Variants in ADAM23 observed in about 807,000 individuals in gnomAD.
ADAM23 encodes disintegrin and metalloproteinase domain-containing protein 23.
In ADAM23, 33 loss-of-function variants were observed where a neutral mutation model predicts 120.1. That is an observed-to-expected ratio of 0.27 (90% CI 0.21 to 0.37). ADAM23 has a LOEUF of 0.37. ADAM23 is among the 10% of genes least tolerant of loss of function. The pLI is 1.00. For missense variants in ADAM23, 862 were observed against 1,058.2 expected (o/e 0.81, Z 2.57); for synonymous variants, 367 against 375.2 (o/e 0.98, Z 0.25).
At chr2:206,500,596 C>G (rs1696367264) in intron 3 of ADAM23, among the ~76,000 whole-genome samples, 1 of 152,096 alleles carries the variant, frequency 6.6e-6, no homozygotes, top group Non-Finnish European at 1.5e-5. Context: ...AGCATGGATG[C>G]CCATCTCCTC....
chr2:206,571,717 T>C lies in ADAM23; in HGVS notation c.1567-10T>C. 6.2e-7 allele frequency: 1 copy of C among 1,612,626 alleles called. No individual in the cohort carries two copies. Among genetic ancestry groups the C allele is most frequent in the Non-Finnish European group, 8.5e-7 (1 of 1,178,690 alleles). On this transcript the variant is annotated splice_polypyrimidine_tract_variant and intron_variant, in intron 16 of 25. Transcript: ENST00000264377. Reference sequence around the variant, plus strand: ...GCTCTTCGCTTACTCACGTGAAGTGTTTTCTCTAGGAATGCTATGGATTAT... The same window carrying C: ...GCTCTTCGCTTACTCACGTGAAGTGCTTTCTCTAGGAATGCTATGGATTAT...
rs1219260962 is a variant in ADAM23, at chr2:206,445,495, A to G, written c.403A>G (p.Lys135Glu). ...AAGCCCTTATCACGTTCTTGACACA[A>G]AGGCAAGACACCAGCAAAAACATAA... ...SESPYHVLDT[K>E]ARHQQKHNKA... The change falls in exon 2 of 26, where the codon AAG (lysine) becomes GAG (glutamate). Residue 135 changes from lysine (K) to glutamate (E), a missense_variant. Physicochemically the swap from Lys to Glu is moderately conservative, Grantham distance 56 (BLOSUM62 1). Coordinates refer to ENST00000264377, the MANE Select transcript of ADAM23 (RefSeq NM_003812.4). 6.2e-7 allele frequency: 1 copy of G among 1,614,046 alleles called. No homozygotes were observed.
chr2:206,460,131 A>G (rs1187181013), intron 2 of ADAM23, among the ~76,000 whole-genome samples: 4 of 150,788 alleles, frequency 2.7e-5, no homozygotes, highest in Non-Finnish European at 5.9e-5. Flanking sequence ...CCCACCTCCA[A>G]TCATAATGTG....
At chr2:206,454,131 T>C (rs1385611184) in intron 2 of ADAM23, among the ~76,000 whole-genome samples, 1 of 152,220 alleles carries the variant, frequency 6.6e-6, no homozygotes, top group Non-Finnish European at 1.5e-5. Flanking sequence ...TATAAAGAAC[T>C]ACCTGAGACT....
intron 3 of ADAM23, among the ~76,000 whole-genome samples, chr2:206,529,971 G>A (rs1464575583): frequency 2.0e-5 from 3 of 151,938 alleles, no homozygotes; most frequent in Non-Finnish European, 4.4e-5. Flanking sequence ...GCCACCACGC[G>A]CGGCTAATTT....
chr2:206,605,936 G>A lies in ADAM23; in HGVS notation c.2360-3974G>A. 10 of 612,956 alleles carry A rather than the reference G, an allele frequency of 1.6e-5. No homozygotes were observed. In the South Asian group the frequency reaches 1.7e-4, roughly 11 times the overall value. 38.0% of individuals were successfully genotyped at this position (612,956 alleles called of 1,614,324 possible). On this transcript the variant is annotated intron_variant, in intron 24 of 25. Coordinates refer to ENST00000264377, the MANE Select transcript of ADAM23 (RefSeq NM_003812.4). ...CTGTGTGGTGCCTGATGTGTGAGGC[G>A]ATGCCTGTACCTGACTCCATGTCTC...
At chr2:206,583,453 C>CAA (rs1207907566) in intron 18 of ADAM23, among the ~76,000 whole-genome samples, 2 of 78,476 alleles carry the variant, frequency 2.5e-5, no homozygotes, top group Non-Finnish European at 5.3e-5. Flanking sequence ...GACTCCGTCT[C>CAA]AAAAAAAAAA....
At chr2:206,579,226 CTTTAG>C (rs927166168) in intron 18 of ADAM23, among the ~76,000 whole-genome samples, 5 of 152,098 alleles carry the variant, frequency 3.3e-5, no homozygotes, top group Non-Finnish European at 5.9e-5. Context: ...TGCAAAAGTT[CTTTAG>C]TTTAATTAGG....
chr2:206,548,050 A>C (rs533970638), intron 7 of ADAM23, among the ~76,000 whole-genome samples: 1 of 152,232 alleles, frequency 6.6e-6, no homozygotes, highest in African/African-American at 2.4e-5. Context: ...TATATCAAAT[A>C]TGCATCTTCT....
At chr2:206,526,604 A>G (rs938735690) in intron 3 of ADAM23, among the ~76,000 whole-genome samples, 3 of 152,188 alleles carry the variant, frequency 2.0e-5, no homozygotes, top group African/African-American at 7.2e-5. Context: ...TAGTGGTCAC[A>G]CTAGAGGGGC....
intron 21 of ADAM23, among the ~76,000 whole-genome samples, chr2:206,590,825 A>G (rs1157319783): frequency 6.6e-6 from 1 of 152,194 alleles, no homozygotes; most frequent in Non-Finnish European, 1.5e-5. Flanking sequence ...AGTAGTCAAA[A>G]TCCATGGGAT....
chr2:206,502,882 C>A (rs982561067), intron 3 of ADAM23, among the ~76,000 whole-genome samples: 2 of 152,134 alleles, frequency 1.3e-5, no homozygotes, highest in Non-Finnish European at 2.9e-5. Flanking sequence ...TTATATCTAA[C>A]CGTGGTAGAG....
At chr2:206,527,514 G>T (rs1696967648) in intron 3 of ADAM23, among the ~76,000 whole-genome samples, 1 of 152,170 alleles carries the variant, frequency 6.6e-6, no homozygotes, top group South Asian at 2.1e-4. Flanking sequence ...CATTTCAGTT[G>T]ATGTAATTCA....
intron 3 of ADAM23, among the ~76,000 whole-genome samples, chr2:206,507,736 C>T (rs541385732): frequency 1.1e-4 from 17 of 152,244 alleles, no homozygotes; most frequent in South Asian, 2.1e-4. Flanking sequence ...ATTTTTAAGC[C>T]GTAGTCTAAT....
At chr2:206,609,556 G>GGT (rs1329719824) in intron 24 of ADAM23, among the ~76,000 whole-genome samples, 1 of 152,144 alleles carries the variant, frequency 6.6e-6, no homozygotes, top group African/African-American at 2.4e-5. Context: ...TGAATGCGAT[G>GGT]GTGTTCTCTC....
Position 206,618,570 on chromosome 2 carries a change from G to A in ADAM23, c.*943G>A, listed in dbSNP as rs1165305982. 1 of 151,834 alleles carries A rather than the reference G, an allele frequency of 6.6e-6. No homozygotes were observed. 9.4% of individuals were successfully genotyped at this position (151,834 alleles called of 1,614,324 possible). A position where few individuals can be genotyped will look rare whatever the true frequency, so the allele number is the denominator to read the frequency against. On this transcript the variant is annotated 3_prime_UTR_variant, in exon 26 of 26. Coordinates refer to ENST00000264377, the MANE Select transcript of ADAM23 (RefSeq NM_003812.4). ...TTTTGTTTCTTGTCTCTCTTTCTCT[G>A]TCTCTGTCCTTCTCTCTTGTAACGT...
rs79816870 is a variant in ADAM23, at chr2:206,618,860, A to G, written c.*1233A>G. On this transcript the variant is annotated 3_prime_UTR_variant, in exon 26 of 26. Coordinates refer to ENST00000264377, the MANE Select transcript of ADAM23 (RefSeq NM_003812.4). ...TAGACACCCTTTCAGATTAATCACA[A>G]AAGTGCCAAGCTCATGATTTTGGTT... The G allele has an allele frequency of 2.8e-3, 421 of 152,330 alleles. 8 individuals carry two copies. The highest frequency in any genetic ancestry group is 9.4e-3 in the African/African-American group (392 of 41,568). The allele number at this position is 152,330 out of a possible 1,614,324, so 9.4% of individuals were successfully genotyped here.
At chr2:206,563,107 C>G (rs1389748854) in intron 13 of ADAM23, among the ~76,000 whole-genome samples, 1 of 152,136 alleles carries the variant, frequency 6.6e-6, no homozygotes, top group African/African-American at 2.4e-5. Flanking sequence ...ATTTTTAATA[C>G]ATTTTTATGA....
intron 4 of ADAM23, among the ~76,000 whole-genome samples, chr2:206,539,009 T>C (rs1418171539): frequency 6.6e-6 from 1 of 152,200 alleles, no homozygotes; most frequent in Non-Finnish European, 1.5e-5. Context: ...TCCCCAGCCA[T>C]TTCTGGTTAG....
Sources: gnomAD v4.1 joint callset for allele counts (sites outside exome capture counted in the v4.1 genomes callset) on GRCh38, gnomAD v4.1.1 for gene constraint, MANE v1.5 for transcripts, NCBI Gene and HGNC (gene_info 2026-07-23, HGNC 2026-07-21) for gene names.